PGM2: variants seen among roughly 807,000 people sequenced by gnomAD.
The protein encoded by PGM2 is phosphopentomutase.
Under a neutral mutation model 74.6 loss-of-function variants are expected in PGM2, and 57 were observed. That is an observed-to-expected ratio of 0.76 (90% confidence interval 0.62 to 0.95). PGM2 has a LOEUF of 0.95. Ranked by LOEUF, PGM2 falls within the 40% of genes least tolerant of loss-of-function variation. The pLI, the probability that PGM2 is intolerant of heterozygous loss-of-function variation, is 0.00. For synonymous variants in PGM2, 273 were observed against 260.7 expected (o/e 1.05, Z -0.46); for missense variants, 706 against 741.9 (o/e 0.95, Z 0.56).
At chr4:37,836,100 T>C (rs543710556) in intron 3 of PGM2, among the ~76,000 whole-genome samples, 2 of 152,372 alleles carry the variant, frequency 1.3e-5, no homozygotes, top group African/African-American at 4.8e-5. Context: ...ATTTCTTCAT[T>C]TTGGGCTGAC....
At chr4:37,827,331 T>TC (rs964830651) in intron 1 of PGM2, among the ~76,000 whole-genome samples, 5 of 152,182 alleles carry the variant, frequency 3.3e-5, no homozygotes, top group Non-Finnish European at 7.3e-5. Flanking sequence ...CCGCCTGGCT[T>TC]CAGGAGTCCC....
chr4:37,826,725 GC>G lies in PGM2; in HGVS notation c.-7del. The stretch of plus-strand genomic sequence containing the variant: ...GCTTCCCTCTGCAGCGGTAGCACAA[GC>G]TCAGCGATGGCGGCTCCAGAAGGCA... On this transcript the variant is annotated 5_prime_UTR_variant, in exon 1 of 14. Coordinates refer to ENST00000381967, the MANE Select transcript of PGM2 (RefSeq NM_018290.4). The G allele has an allele frequency of 6.5e-7, 1 of 1,549,010 alleles. No individual in the cohort carries two copies. The highest frequency in any genetic ancestry group is 8.7e-7 in the Non-Finnish European group (1 of 1,145,334).
In PGM2 at chr4:37,850,235, A is replaced by C. The variant is rs10001580; in HGVS notation, c.1464A>C (p.Glu488Asp). ...KASYFICHDQ[E>D]TIKKLFENLR... The stretch of plus-strand genomic sequence containing the variant: ...CCTATTTTATCTGCCATGATCAAGA[A>C]ACCATTAAGAAATTATTTGAAAACC... The change falls in exon 12 of 14, where the codon GAA (glutamate) becomes GAC (aspartate). Residue 488 changes from glutamate (E) to aspartate (D), a missense_variant. This residue lies in a region of PGM2 where 359 missense variants were observed against 371.1 expected (regional missense o/e 0.97). Coordinates refer to ENST00000381967, the MANE Select transcript of PGM2 (RefSeq NM_018290.4). 58,332 of 1,581,802 alleles carry C rather than the reference A, an allele frequency of 0.037. 2,877 individuals carry two copies. Among genetic ancestry groups the C allele is most frequent in the African/African-American group, 0.19 (13,482 of 72,616 alleles).
At chr4:37,834,578 A>G in intron 2 of PGM2, 40 bp from the exon 3 acceptor site, 2 of 1,025,406 alleles carry the variant, frequency 2.0e-6, no homozygotes, top group Non-Finnish European at 3.0e-6. Flanking sequence ...ATATAAAAAT[A>G]TGTTAAAACA....
chr4:37,857,280 T>G (rs1711554348), intron 13 of PGM2, among the ~76,000 whole-genome samples: 1 of 152,172 alleles, frequency 6.6e-6, no homozygotes, highest in Non-Finnish European at 1.5e-5. Context: ...TCTAGGTAAT[T>G]GTGACAACAT....
intron 6 of PGM2, among the ~76,000 whole-genome samples, chr4:37,842,000 G>A (rs931144268): frequency 2.0e-5 from 3 of 152,156 alleles, no homozygotes; most frequent in African/African-American, 7.2e-5. Flanking sequence ...GACAGCATAT[G>A]ATACCTACAT....
chr4:37,849,092 A>T lies in PGM2; in HGVS notation c.1412+441A>T, dbSNP rs888315739. Reference sequence around the variant, plus strand: ...TCTCAAAAAAAAAAAAAAAAAATTTAAAAAAACTAAAGAGATCACCTTTTC... The same window carrying T: ...TCTCAAAAAAAAAAAAAAAAAATTTTAAAAAACTAAAGAGATCACCTTTTC... On this transcript the variant is annotated intron_variant, in intron 11 of 13. Transcript: ENST00000381967. Among the ~76,000 whole-genome samples, 7 of 151,638 alleles carry T rather than the reference A, an allele frequency of 4.6e-5. No homozygotes were observed. The East Asian group carries it at 1.2e-3, about 25-fold the overall frequency.
At chr4:37,839,765 T>C (rs762089312) in intron 4 of PGM2, 83 bp from the exon 5 acceptor site, 15 of 793,966 alleles carry the variant, frequency 1.9e-5, no homozygotes, top group Non-Finnish European at 2.9e-5. Context: ...CAAGTTGGCA[T>C]GAACAGTATA....
intron 4 of PGM2, chr4:37,839,510 G>A (rs540327307): frequency 1.0e-4 from 49 of 480,406 alleles, no homozygotes; most frequent in African/African-American, 9.4e-4. Flanking sequence ...ACAAACTTCT[G>A]TCTCAGGTAG....
chr4:37,854,226 A>G (rs1726127839), intron 12 of PGM2, among the ~76,000 whole-genome samples: 1 of 152,138 alleles, frequency 6.6e-6, no homozygotes, highest in Non-Finnish European at 1.5e-5. Context: ...AAGTACCTCT[A>G]TTTTAATGGA....
At chr4:37,832,884 C>T (rs1725472893) in intron 2 of PGM2, among the ~76,000 whole-genome samples, 1 of 152,172 alleles carries the variant, frequency 6.6e-6, no homozygotes, top group African/African-American at 2.4e-5. Flanking sequence ...CCTCCCTCTT[C>T]CCCCACTGAG....
intron 6 of PGM2, among the ~76,000 whole-genome samples, chr4:37,841,151 G>T (rs1725713408): frequency 3.2e-5 from 1 of 30,980 alleles, no homozygotes; most frequent in African/African-American, 2.6e-4. Flanking sequence ...ACCATAAATA[G>T]GAATATTTGT....
rs1202127790 is a variant in PGM2, at chr4:37,826,831, G to T, written c.81+18G>T. On this transcript the variant is annotated intron_variant, in intron 1 of 13. Coordinates refer to ENST00000381967, the MANE Select transcript of PGM2 (RefSeq NM_018290.4). The stretch of plus-strand genomic sequence containing the variant: ...GGGACAAGGTGAGGGGCACCAGCAG[G>T]CGGGGAGCGCCTGGAGCGGGGCCGG... The T allele has an allele frequency of 1.3e-6, 2 of 1,513,548 alleles. No homozygotes were observed. The highest frequency in any genetic ancestry group is 1.8e-6 in the Non-Finnish European group (2 of 1,115,288). The allele number at this position is 1,513,548 out of a possible 1,614,324, so 93.8% of individuals were successfully genotyped here.
At chr4:37,845,785 A>G in intron 8 of PGM2, 55 bp downstream of exon 8, 1 of 1,117,706 alleles carries the variant, frequency 8.9e-7, no homozygotes, top group Non-Finnish European at 1.4e-6. Context: ...TGATCTCTTC[A>G]TTGGTAAAAT....
At position 37,859,966 on chromosome 4, in the gene PGM2, C is replaced by T. The variant is rs774772324; in HGVS notation, c.1737-1544C>T. Among the ~76,000 whole-genome samples, 190 of 152,152 alleles carry T rather than the reference C, an allele frequency of 1.2e-3. 3 individuals carry two copies. The highest frequency in any genetic ancestry group is 2.2e-3 in the Admixed American group (33 of 15,250). On this transcript the variant is annotated intron_variant, in intron 13 of 13. Transcript: ENST00000381967. ...TTAATTTAACAAATGGAACAGTTATCGATTAGGATGGAGAATAGTAACACA... is the reference window on the plus strand; with the variant it reads ...TTAATTTAACAAATGGAACAGTTATTGATTAGGATGGAGAATAGTAACACA...
intron 4 of PGM2, 127 bp from the exon 5 acceptor site, chr4:37,839,721 A>G (rs894592537): frequency 1.4e-5 from 10 of 702,312 alleles, no homozygotes; most frequent in East Asian, 2.7e-5. Context: ...CAAAAATATT[A>G]TGCTATTTAT....
In PGM2 at chr4:37,835,108, T is replaced by C. The variant is rs114017999; in HGVS notation, c.356+384T>C. Among the ~76,000 whole-genome samples, 526 of 152,312 alleles carry C rather than the reference T, an allele frequency of 3.5e-3. 7 individuals carry two copies. Among genetic ancestry groups the C allele is most frequent in the African/African-American group, 0.012 (507 of 41,564 alleles). ...CATTCTCAAACCAATGGGACTCTCT[T>C]ATGTAGCTGAAGGCATATGATGCTG... is the stretch of plus-strand genomic sequence containing the variant. On this transcript the variant is annotated intron_variant, in intron 3 of 13. Transcript: ENST00000381967.
In PGM2 at chr4:37,843,650, C is replaced by A. The variant is rs992256862; in HGVS notation, c.720-714C>A. ...CTGAGACGGAGTTTCGCTCTTGTTG[C>A]CCAGGTTGGAATGCAGTGGCACAAT... On this transcript the variant is annotated intron_variant, in intron 6 of 13. Coordinates refer to ENST00000381967, the MANE Select transcript of PGM2 (RefSeq NM_018290.4). 2.4e-4 allele frequency among the ~76,000 whole-genome samples: 36 copies of A among 150,904 alleles called. 2 individuals are homozygous for A. Among genetic ancestry groups the A allele is most frequent in the Admixed American group, 2.3e-3 (35 of 15,130 alleles).
rs377594736 is a variant in PGM2, at chr4:37,862,819, A to G, written c.*1207A>G. The G allele has an allele frequency of 3.0e-4, 46 of 152,070 alleles. No homozygotes were observed. The highest frequency in any genetic ancestry group is 9.7e-4 in the African/African-American group (40 of 41,416). The allele number at this position is 152,070 out of a possible 1,614,324, so 9.4% of individuals were successfully genotyped here. A position where few individuals can be genotyped will look rare whatever the true frequency, so the allele number is the denominator to read the frequency against. ...CGCTTATATCCTACCAGAACTCTTA[A>G]ATCTATAATATTCGATATATTCTAC... On this transcript the variant is annotated 3_prime_UTR_variant, in exon 14 of 14. Coordinates refer to ENST00000381967, the MANE Select transcript of PGM2 (RefSeq NM_018290.4).
Sources: gnomAD v4.1 joint callset for allele counts (sites outside exome capture counted in the v4.1 genomes callset) on GRCh38, gnomAD v4.1.1 for gene constraint, gnomAD v4.1.1 regional missense constraint, MANE v1.5 for transcripts, NCBI Gene and HGNC (gene_info 2026-07-23, HGNC 2026-07-21) for gene names.